Variants in ASPSCR1 observed in about 807,000 individuals in gnomAD.
ASPSCR1 encodes the protein tether containing UBX domain for GLUT4.
ASPSCR1 carries 55 observed loss-of-function variants against 68.9 expected under a neutral mutation model. That is an observed-to-expected ratio of 0.80 (90% CI 0.64 to 1.00). The LOEUF is 1.00. ASPSCR1 is among the 50% of genes least tolerant of loss of function. The pLI is 0.00. For synonymous variants in ASPSCR1, 352 were observed against 332.6 expected (o/e 1.06, Z -0.63); for missense variants, 765 against 762.2 (o/e 1.00, Z -0.04).
chr17:81,984,861 C>G (rs1306500070), intron 3 of ASPSCR1, among the ~76,000 whole-genome samples: 1 of 113,540 alleles, frequency 8.8e-6, no homozygotes, highest in Non-Finnish European at 1.8e-5. Flanking sequence ...CCCACACACA[C>G]CTGCACACCC....
At chr17:81,985,163 C>T (rs529913341) in intron 3 of ASPSCR1, among the ~76,000 whole-genome samples, 4 of 151,328 alleles carry the variant, frequency 2.6e-5, no homozygotes, top group African/African-American at 4.8e-5. Context: ...CATGCGCACA[C>T]CTGCACACAC....
intron 4 of ASPSCR1, 67 bp from the exon 5 acceptor site, chr17:81,994,754 C>G (rs1814408217): frequency 2.0e-6 from 3 of 1,525,454 alleles, no homozygotes; most frequent in Admixed American, 1.7e-5. Context: ...GTCTCCTGCC[C>G]CAGGGCCTCC....
chr17:82,000,612 T>A (rs1171101062), intron 7 of ASPSCR1, among the ~76,000 whole-genome samples: 4 of 152,180 alleles, frequency 2.6e-5, no homozygotes, highest in Non-Finnish European at 5.9e-5. Flanking sequence ...CCCATTAATG[T>A]TTTGCCTGTG....
chr17:82,017,179 G>T (rs2043167555), intron 15 of ASPSCR1, 66 bp downstream of exon 15: 1 of 1,572,446 alleles, frequency 6.4e-7, no homozygotes, highest in African/African-American at 1.3e-5. Context: ...GGGTGCTGTG[G>T]CAGGGTCAGT....
chr17:82,005,482 T>C (rs936302086), intron 7 of ASPSCR1: 2 of 152,064 alleles, frequency 1.3e-5, no homozygotes, highest in African/African-American at 4.8e-5. Flanking sequence ...AGCCACCCCG[T>C]TGGCTGAGTG....
At chr17:82,004,064 G>C (rs986121637) in intron 7 of ASPSCR1, among the ~76,000 whole-genome samples, 2 of 152,346 alleles carry the variant, frequency 1.3e-5, no homozygotes, top group East Asian at 3.9e-4. Context: ...CCTCCGAATG[G>C]GTTCACATTT....
intron 2 of ASPSCR1, among the ~76,000 whole-genome samples, chr17:81,980,239 C>G (rs971127276): frequency 9.9e-5 from 15 of 152,224 alleles, no homozygotes; most frequent in African/African-American, 3.4e-4. Context: ...CCTTGGCCTC[C>G]CAAAGTACTG....
In ASPSCR1 at chr17:81,999,606, G is replaced by A. The variant is rs2042460682; in HGVS notation, c.933+2760G>A. ...CGTGCCACTGCACTCCAGCCCGGGT[G>A]ACAGAGTGAAACTCCATCTCAAAAA... On this transcript the variant is annotated intron_variant, in intron 7 of 15. Coordinates refer to ENST00000306739, the MANE Select transcript of ASPSCR1 (RefSeq NM_024083.4). The surrounding 1 kb of genome is among the most constrained non-coding windows in gnomAD (Gnocchi z 4.4). Among the ~76,000 whole-genome samples the A allele has an allele frequency of 6.8e-6, 1 of 146,922 alleles. No homozygotes were observed. The highest frequency in any genetic ancestry group is 1.5e-5 in the Non-Finnish European group (1 of 67,180).
intron 9 of ASPSCR1, among the ~76,000 whole-genome samples, chr17:82,010,315 G>A (rs1401035389): frequency 1.3e-5 from 2 of 151,284 alleles, no homozygotes; most frequent in South Asian, 4.2e-4. Flanking sequence ...GGATCATGAG[G>A]TCAGGAGATC....
intron 7 of ASPSCR1, chr17:82,005,920 C>G (rs1229053280): frequency 2.6e-5 from 4 of 152,296 alleles, no homozygotes; most frequent in African/African-American, 7.2e-5. Context: ...GAGCCACCTC[C>G]CCCATGCGGT....
chr17:82,011,704 C>G, intron 11 of ASPSCR1, 99 bp downstream of exon 11: 1 of 1,363,956 alleles, frequency 7.3e-7, no homozygotes, highest in South Asian at 1.3e-5. Flanking sequence ...GGCAGCTTCT[C>G]CACAGGAGCA....
rs759452274 is a variant in ASPSCR1 at position 81,994,825 on chromosome 17, T to C, written c.379T>C (p.Cys127Arg). 5 of 1,613,160 alleles carry C rather than the reference T, an allele frequency of 3.1e-6. No individual in the cohort carries two copies. The Admixed American group carries it at 8.3e-5, about 27-fold the overall frequency. Reference protein sequence around the residue: ...LLSHFPQIRECLQHPGGATPV... With the variant: ...LLSHFPQIRERLQHPGGATPV... ...GTTTCTTTCCTCTCCTCCCAGGGAG[T>C]GCCTGCAGCACCCCGGCGGGGCCAC... The change falls in exon 5 of 16, where the codon TGC becomes CGC. Residue 127 changes from cysteine (C) to arginine (R), a missense_variant. By Grantham distance (180) the Cys-to-Arg change is radical (BLOSUM62 -3). Transcript: ENST00000306739.
chr17:82,000,643 A>G (rs1482329170), intron 7 of ASPSCR1, among the ~76,000 whole-genome samples: 1 of 152,228 alleles, frequency 6.6e-6, no homozygotes, highest in Non-Finnish European at 1.5e-5. Context: ...GGACTTAAAT[A>G]AAGAGTCAGA....
At position 81,996,479 on chromosome 17, in the gene ASPSCR1, C is replaced by T. The variant is rs373848028; in HGVS notation, c.566C>T (p.Ala189Val). 25 of 1,610,224 alleles carry T rather than the reference C, an allele frequency of 1.6e-5. No homozygotes were observed. The highest frequency in any genetic ancestry group is 1.1e-4 in the African/African-American group (8 of 74,854). ...GKTPGSLGSS[A>V]SAGQAAASAP... ...ACCCCAGGAAGCCTGGGCTCGTCAG[C>T]GTCGGCTGGCCAGGCAGCCGCCAGC... The change falls in exon 7 of 16, where the codon GCG becomes GTG. Residue 189 changes from alanine to valine, a missense_variant. Transcript: ENST00000306739.
rs763916810 is a variant in ASPSCR1, at chr17:82,015,172, A to G, written c.1354-1304A>G. On this transcript the variant is annotated intron_variant, in intron 12 of 15. Transcript: ENST00000306739. ...AGAACACGCTTGCCAGTGGTAGGAGATGGAGGCGACGTGGACTCTGGGAGG... is the reference window on the plus strand; with the variant it reads ...AGAACACGCTTGCCAGTGGTAGGAGGTGGAGGCGACGTGGACTCTGGGAGG... 3.4e-5 allele frequency: 55 copies of G among 1,598,210 alleles called. 1 individual carries two copies. The South Asian group carries it at 5.6e-4, about 16-fold the overall frequency.
chr17:82,011,118 C>T (rs536954784), intron 10 of ASPSCR1, among the ~76,000 whole-genome samples: 13 of 152,322 alleles, frequency 8.5e-5, no homozygotes, highest in South Asian at 4.1e-4. Context: ...GTGCTCACGT[C>T]GCCCACCTAC....
At chr17:81,989,580 G>A (rs1481092707) in intron 4 of ASPSCR1, among the ~76,000 whole-genome samples, 2 of 152,236 alleles carry the variant, frequency 1.3e-5, no homozygotes, top group Non-Finnish European at 2.9e-5. Context: ...TTCTGAGGCT[G>A]GGGGCTGCAG....
At chr17:82,008,720 A>T (rs1464985807) in intron 7 of ASPSCR1, 3 of 299,918 alleles carry the variant, frequency 1.0e-5, no homozygotes, top group Non-Finnish European at 1.8e-5. Flanking sequence ...CCCCATGGAG[A>T]CCCTGACGTG....
At chr17:82,000,455 C>T (rs916038649) in intron 7 of ASPSCR1, among the ~76,000 whole-genome samples, 2 of 151,978 alleles carry the variant, frequency 1.3e-5, no homozygotes, top group Non-Finnish European at 2.9e-5. Context: ...CTCCCATCGC[C>T]GCCAGCCGCA....
Sources: gnomAD v4.1 joint callset for allele counts (sites outside exome capture counted in the v4.1 genomes callset) on GRCh38, gnomAD v4.1.1 for gene constraint, Gnocchi (gnomAD v3.1) non-coding constraint, MANE v1.5 for transcripts, NCBI Gene and HGNC (gene_info 2026-07-23, HGNC 2026-07-21) for gene names.